The following WASF1 variants were observed in gnomAD, a reference collection of about 807,000 sequenced individuals.
The protein encoded by WASF1 is WASP family member 1.
WASF1 carries 7 observed loss-of-function variants against 50.5 expected under a neutral mutation model. The ratio of observed to expected loss-of-function variants is 0.14; its 90% CI spans 0.08 to 0.26. WASF1 has a LOEUF of 0.26. WASF1 is among the 10% of genes least tolerant of loss of function. WASF1 has a pLI of 1.00. For synonymous variants in WASF1, 205 were observed against 244.0 expected (o/e 0.84, Z 1.49); for missense variants, 470 against 694.7 (o/e 0.68, Z 3.64).
At position 110,135,801 on chromosome 6, in the gene WASF1, G is replaced by T. The variant is rs59311410; in HGVS notation, c.-28-8172C>A. Among the ~76,000 whole-genome samples, 312 of 130,650 alleles carry T rather than the reference G, an allele frequency of 2.4e-3. 1 individual carries two copies. The highest frequency in any genetic ancestry group is 8.5e-3 in the African/African-American group (300 of 35,394). 85.7% of individuals were successfully genotyped at this position (130,650 alleles called of 152,430 possible). A position where few individuals can be genotyped will look rare whatever the true frequency, so the allele number is the denominator to read the frequency against. The stretch of plus-strand genomic sequence containing the variant: ...CATTACTTTTTGGCCTTTTGGCTAA[G>T]ATCAAGTGTAGTTTTGGTTTGTTAA... On this transcript the variant is annotated intron_variant, in intron 3 of 10. Transcript: ENST00000392589.
intron 3 of WASF1, among the ~76,000 whole-genome samples, chr6:110,151,706 CTAT>C (rs1295839258): frequency 5.9e-5 from 9 of 152,214 alleles, no homozygotes; most frequent in African/African-American, 1.9e-4. Context: ...AAAATCACCT[CTAT>C]TATGTTTACT....
At position 110,101,778 on chromosome 6, in the gene WASF1, T is replaced by G; in HGVS notation, c.1332A>C (p.Thr444=). The change falls in exon 10 of 11, where the codon ACA becomes ACC. Residue 444 remains threonine (T), a synonymous_variant. Transcript: ENST00000392589. ...AGGGAGGATGAGCAAGAGCTGTAAC[T>G]GTGACAGGTGATGATGGTCGAATGC... is the stretch of plus-strand genomic sequence containing the variant. ...PPGIRPSSPV[T]VTALAHPPSG... 6.2e-7 allele frequency: 1 copy of G among 1,614,052 alleles called. No homozygotes were observed. Among genetic ancestry groups the G allele is most frequent in the African/African-American group, 1.3e-5 (1 of 74,998 alleles).
chr6:110,145,247 T>C (rs1336326083), intron 3 of WASF1, among the ~76,000 whole-genome samples: 1 of 152,226 alleles, frequency 6.6e-6, no homozygotes, highest in Non-Finnish European at 1.5e-5. Context: ...CAGTCATGAT[T>C]TGGCTCTCTG....
chr6:110,175,161 C>T (rs1308588626), intron 2 of WASF1, among the ~76,000 whole-genome samples: 1 of 152,080 alleles, frequency 6.6e-6, no homozygotes, highest in Non-Finnish European at 1.5e-5. Flanking sequence ...ACTCCCACTT[C>T]ATGACCTCAT....
At chr6:110,140,627 A>C (rs1031529335) in intron 3 of WASF1, among the ~76,000 whole-genome samples, 4 of 152,174 alleles carry the variant, frequency 2.6e-5, no homozygotes, top group Admixed American at 1.3e-4. Flanking sequence ...TGAAGAATTA[A>C]TTGCTTGCTT....
intron 2 of WASF1, among the ~76,000 whole-genome samples, chr6:110,162,335 AC>A (rs1584023759): frequency 6.6e-6 from 1 of 151,148 alleles, no homozygotes; most frequent in African/African-American, 2.4e-5. Context: ...AAGATTTGTC[AC>A]GCAGACAACG....
At chr6:110,131,987 A>T (rs976866951) in intron 3 of WASF1, among the ~76,000 whole-genome samples, 5 of 152,206 alleles carry the variant, frequency 3.3e-5, no homozygotes, top group Non-Finnish European at 7.3e-5. Context: ...AACCTATCAT[A>T]TTGGGAAGTA....
At chr6:110,148,686 A>G (rs1775690328) in intron 3 of WASF1, among the ~76,000 whole-genome samples, 1 of 152,138 alleles carries the variant, frequency 6.6e-6, no homozygotes, top group South Asian at 2.1e-4. Flanking sequence ...TTTTAAGCAA[A>G]GGAGTGCCAA....
intron 5 of WASF1, among the ~76,000 whole-genome samples, chr6:110,112,698 G>A (rs969941256): frequency 1.3e-5 from 2 of 151,860 alleles, no homozygotes; most frequent in Non-Finnish European, 2.9e-5. Flanking sequence ...TCAGGAGTTC[G>A]AGACCAGCCG....
At chr6:110,115,336 G>T (rs1007740801) in intron 4 of WASF1, among the ~76,000 whole-genome samples, 1 of 152,046 alleles carries the variant, frequency 6.6e-6, no homozygotes, top group African/African-American at 2.4e-5. Flanking sequence ...CATCAGAACT[G>T]CCCTTATCTA....
At chr6:110,106,262 C>A (rs1773320284) in intron 7 of WASF1, among the ~76,000 whole-genome samples, 1 of 152,170 alleles carries the variant, frequency 6.6e-6, no homozygotes, top group Admixed American at 6.5e-5. Context: ...ACTCTAGTTC[C>A]AAAATTTAAA....
intron 4 of WASF1, among the ~76,000 whole-genome samples, chr6:110,124,243 T>TCCTTC (rs1562170331): frequency 3.0e-5 from 1 of 33,078 alleles, no homozygotes; most frequent in Non-Finnish European, 5.2e-5. Context: ...CTCCTCTCTC[T>TCCTTC]CTCTCTCTCT....
At chr6:110,151,123 GAGTAA>G (rs1775804072) in intron 3 of WASF1, among the ~76,000 whole-genome samples, 1 of 152,184 alleles carries the variant, frequency 6.6e-6, no homozygotes. Context: ...TGACTAGAGA[GAGTAA>G]ACCACTGGGT....
At chr6:110,118,080 G>A (rs1161445350) in intron 4 of WASF1, among the ~76,000 whole-genome samples, 4 of 151,940 alleles carry the variant, frequency 2.6e-5, no homozygotes, top group Non-Finnish European at 5.9e-5. Flanking sequence ...AAAGAACATC[G>A]ATGCTAGGAA....
chr6:110,108,821 A>G (rs1773436093), intron 5 of WASF1, 140 bp from the exon 6 acceptor site: 3 of 694,782 alleles, frequency 4.3e-6, no homozygotes, highest in African/African-American at 3.6e-5. Context: ...ATCAGAAACC[A>G]TATTTTAAAT....
At chr6:110,108,850 C>T (rs1372204378) in intron 5 of WASF1, among the ~76,000 whole-genome samples, 169 bp from the exon 6 acceptor site, 1 of 152,062 alleles carries the variant, frequency 6.6e-6, no homozygotes, top group Admixed American at 6.5e-5. Context: ...ATTATATTTA[C>T]CCATATCATT....
intron 2 of WASF1, among the ~76,000 whole-genome samples, chr6:110,165,046 G>A (rs2114610309): frequency 6.6e-6 from 1 of 151,628 alleles, no homozygotes. Context: ...AAAGGAGAGA[G>A]GATAAATTGG....
rs774238253 is a variant in WASF1 at position 110,103,511 on chromosome 6, C to T, written c.760G>A (p.Ala254Thr). 2 of 1,613,892 alleles carry T rather than the reference C, an allele frequency of 1.2e-6. No individual in the cohort carries two copies. The highest frequency in any genetic ancestry group is 1.1e-5 in the South Asian group (1 of 91,056). Reference protein sequence around the residue: ...DHMDGSYSLSALPFSQMSELL... With the variant: ...DHMDGSYSLSTLPFSQMSELL... Reference sequence around the variant, plus strand: ...TCACTCATCTGACTAAATGGCAAGGCAGAAAGTGAGTAAGATCCATCCATA... The same window carrying T: ...TCACTCATCTGACTAAATGGCAAGGTAGAAAGTGAGTAAGATCCATCCATA... The change falls in exon 9 of 11, where the codon GCC (alanine) becomes ACC (threonine). Residue 254 changes from alanine to threonine, a missense_variant. This residue lies in a region of WASF1 where 294 missense variants were observed against 343.5 expected (regional missense o/e 0.86). Transcript: ENST00000392589.
intron 2 of WASF1, among the ~76,000 whole-genome samples, chr6:110,164,226 A>C (rs1192471008): frequency 6.6e-6 from 1 of 151,674 alleles, no homozygotes; most frequent in Non-Finnish European, 1.5e-5. Flanking sequence ...AAAATTAAAA[A>C]ATTCTGCTCT....
Sources: allele counts gnomAD v4.1 joint callset (sites outside exome capture counted in the v4.1 genomes callset), GRCh38; gene constraint gnomAD v4.1.1; regional missense constraint gnomAD v4.1.1; transcripts MANE v1.5; gene names NCBI Gene and HGNC (gene_info 2026-07-23, HGNC 2026-07-21).